RPS3: variants seen among roughly 807,000 people sequenced by gnomAD.
RPS3 encodes the protein ribosomal protein S3, also known as small ribosomal subunit protein uS3.
Under a neutral mutation model 25.8 loss-of-function variants are expected in RPS3, and 2 were observed. The observed-to-expected ratio is 0.08, with a 90% confidence interval of 0.03 to 0.24. The LOEUF (loss-of-function observed/expected upper bound fraction) is 0.24. RPS3 is among the 10% of genes least tolerant of loss of function. RPS3 has a pLI of 1.00. For missense variants in RPS3, 107 were observed against 307.1 expected, an observed-to-expected ratio of 0.35 and a Z score of 4.87; for synonymous variants, 114 against 114.2, an observed-to-expected ratio of 1.00 and a Z score of 0.01.
rs751616244 is a variant in RPS3, at chr11:75,399,593, C to T, written c.30+16C>T. The T allele has an allele frequency of 5.6e-6, 9 of 1,611,778 alleles. No homozygotes were observed. Among genetic ancestry groups the T allele is most frequent in the African/African-American group, 1.3e-5 (1 of 75,002 alleles). ...GAAGAGGAAGGTGAGCCTCTGGGGA[C>T]TGGGTTCGGAGAACGACGGCGCCGC... On this transcript the variant is annotated intron_variant, in intron 1 of 6. Transcript: ENST00000531188.
downstream of RPS3, among the ~76,000 whole-genome samples, chr11:75,411,058 C>T (rs376907878): frequency 3.6e-4 from 55 of 151,736 alleles, no homozygotes; most frequent in Admixed American, 3.1e-3. Context: ...TTGTATTTTT[C>T]GTAGAGATGG....
chr11:75,401,625 A>T lies in RPS3; in HGVS notation c.162-15A>T. 6.4e-7 allele frequency: 1 copy of T among 1,566,600 alleles called. No individual in the cohort carries two copies. The highest frequency in any genetic ancestry group is 8.8e-7 in the Non-Finnish European group (1 of 1,136,870). The stretch of plus-strand genomic sequence containing the variant: ...GCATTTGTGAGAATCTTGAATTGTC[A>T]CTTTTCCCCCCCAGAACACAGAATG... On this transcript the variant is annotated splice_polypyrimidine_tract_variant and intron_variant, in intron 2 of 6. Coordinates refer to ENST00000531188, the MANE Select transcript of RPS3 (RefSeq NM_001005.5).
At position 75,404,458 on chromosome 11, in the gene RPS3, G is replaced by A. The variant is rs17878419; in HGVS notation, c.539-214G>A. ...CACGATGACGAGTCAGAAAGGTCAC[G>A]TCCTGCTCTTGGTCCTTGTCAGTGC... On this transcript the variant is annotated intron_variant, in intron 5 of 6. Coordinates refer to ENST00000531188, the MANE Select transcript of RPS3 (RefSeq NM_001005.5). This position sits in a 1 kb window ranked among gnomAD's most constrained non-coding sequence, Gnocchi z 4.6. The A allele has an allele frequency of 1.7e-4, 134 of 791,388 alleles. 1 individual carries two copies. Among genetic ancestry groups the A allele is most frequent in the African/African-American group, 1.5e-3 (88 of 59,596 alleles). The allele number at this position is 791,388 out of a possible 1,614,324, so 49.0% of individuals were successfully genotyped here.
downstream of RPS3, among the ~76,000 whole-genome samples, chr11:75,407,533 G>A (rs548727741): frequency 3.7e-4 from 56 of 152,036 alleles, no homozygotes; most frequent in Non-Finnish European, 4.7e-4. Flanking sequence ...GTGCAGTGGC[G>A]CGATCTCTGC....
Position 75,405,654 on chromosome 11 carries a change from C to G in RPS3, c.*44C>G, listed in dbSNP as rs1275546448. 2.2e-6 allele frequency: 1 copy of G among 456,060 alleles called. No homozygotes were observed. The highest frequency in any genetic ancestry group is 2.0e-5 in the African/African-American group (1 of 50,040). 28.3% of individuals were successfully genotyped at this position (456,060 alleles called of 1,614,324 possible). ...TGTATTCTGGAGTCTGGATGTTGCT[C>G]TCTAAAGACCTTTAATAAAATTTTG... On this transcript the variant is annotated 3_prime_UTR_variant, in exon 7 of 7. Transcript: ENST00000531188.
chr11:75,399,560 A>G lies in RPS3; in HGVS notation c.13A>G (p.Ile5Val), dbSNP rs1415968412. Reference sequence around the variant, plus strand: ...GCGCGGCGGCAAGATGGCAGTGCAAATATCCAAGAAGAGGAAGGTGAGCCT... The same window carrying G: ...GCGCGGCGGCAAGATGGCAGTGCAAGTATCCAAGAAGAGGAAGGTGAGCCT... Reference protein sequence around the residue: MAVQISKKRKFVADG... With the variant: MAVQVSKKRKFVADG... Residue 5 changes from isoleucine (I) to valine (V), a missense_variant, in exon 1 of 7, where the codon ATA becomes GTA. Physicochemically the swap from Ile to Val is conservative, Grantham distance 29. Transcript: ENST00000531188. 6 of 1,613,858 alleles carry G rather than the reference A, an allele frequency of 3.7e-6. No individual in the cohort carries two copies. The highest frequency in any genetic ancestry group is 1.7e-5 in the Admixed American group (1 of 60,006).
chr11:75,411,736 T>C (rs1189065966), downstream of RPS3, among the ~76,000 whole-genome samples: 3 of 152,214 alleles, frequency 2.0e-5, no homozygotes, highest in Admixed American at 2.0e-4. Context: ...TGCTTGTTGC[T>C]TGACCAAATG....
intron 1 of RPS3, chr11:75,400,256 A>G (rs1385728146): frequency 4.7e-6 from 2 of 424,638 alleles, no homozygotes; most frequent in African/African-American, 2.0e-5. Context: ...TGTGTCTACA[A>G]GTGAGAGAGC....
Position 75,416,460 on chromosome 11 carries a change from ATTTTTTTTTT to A in RPS3, c.*4-5258_*4-5249del, listed in dbSNP as rs1180090052. Among the ~76,000 whole-genome samples the A allele has an allele frequency of 2.8e-3, 374 of 132,804 alleles. 2 individuals carry two copies. The highest frequency in any genetic ancestry group is 4.7e-3 in the Non-Finnish European group (300 of 63,332). The allele number at this position is 132,804 out of a possible 152,430, so 87.1% of individuals were successfully genotyped here. On this transcript the variant is annotated intron_variant, in intron 6 of 6. Transcript: ENST00000527446. ...TCCATTTTCCATCTTGATTATTTCT[ATTTTTTTTTT>A]TTTTTTTTGAGACAAAGTCTCACTG...
chr11:75,401,528 C>T, intron 2 of RPS3, 112 bp from the exon 3 acceptor site: 2 of 769,860 alleles, frequency 2.6e-6, no homozygotes, highest in Middle Eastern at 3.8e-4. Flanking sequence ...TAGTTTTTGT[C>T]AATGAAAATT....
chr11:75,410,071 A>AC (rs1160239665), downstream of RPS3, among the ~76,000 whole-genome samples: 71 of 107,538 alleles, frequency 6.6e-4, no homozygotes, highest in Non-Finnish European at 9.4e-4. Context: ...CGGGGGGCTG[A>AC]CCCCCCCCTC....
intron 6 of RPS3, among the ~76,000 whole-genome samples, chr11:75,416,160 C>T (rs1948396466): frequency 6.6e-6 from 1 of 152,164 alleles, no homozygotes; most frequent in South Asian, 2.1e-4. Context: ...CTGTTCCTCC[C>T]TTTGGTCATC....
At chr11:75,399,783 G>A (rs1948177047) in intron 1 of RPS3, 1 of 574,838 alleles carries the variant, frequency 1.7e-6, no homozygotes, top group East Asian at 3.1e-5. Flanking sequence ...CAAGTGAAGC[G>A]CAGAGAGATG....
At position 75,399,536 on chromosome 11, in the gene RPS3, C is replaced by T. The variant is rs930793085; in HGVS notation, c.-12C>T. 6.2e-7 allele frequency: 1 copy of T among 1,613,846 alleles called. No homozygotes were observed. Among genetic ancestry groups the T allele is most frequent in the Non-Finnish European group, 8.5e-7 (1 of 1,179,862 alleles). On this transcript the variant is annotated 5_prime_UTR_variant, in exon 1 of 7. Coordinates refer to ENST00000531188, the MANE Select transcript of RPS3 (RefSeq NM_001005.5). ...GCCACTTCCTTTCCTTTCAGCGGAG[C>T]GCGGCGGCAAGATGGCAGTGCAAAT...
At chr11:75,400,312 G>T (rs1254735960) in intron 1 of RPS3, 2 of 505,778 alleles carry the variant, frequency 4.0e-6, no homozygotes, top group Middle Eastern at 5.7e-4. Flanking sequence ...GACAAGTACA[G>T]TGTCTTTGCT....
In RPS3 at chr11:75,399,743, C is replaced by G. The variant is rs12277045; in HGVS notation, c.30+166C>G. ...TGGCGGTGGATTGAGTGAGAGGCCC[C>G]AGCCAGGAGGGCGCTGTGTGGCCGG... On this transcript the variant is annotated intron_variant, in intron 1 of 6. Coordinates refer to ENST00000531188, the MANE Select transcript of RPS3 (RefSeq NM_001005.5). 7,379 of 618,886 alleles carry G rather than the reference C, an allele frequency of 0.012. 417 individuals are homozygous for G. The African/African-American group carries it at 0.12, about 10-fold the overall frequency. The allele number at this position is 618,886 out of a possible 1,614,324, so 38.3% of individuals were successfully genotyped here. A position where few individuals can be genotyped will look rare whatever the true frequency, so the allele number is the denominator to read the frequency against.
chr11:75,416,464 T>TTC (rs1379934095), intron 6 of RPS3, among the ~76,000 whole-genome samples: 4 of 148,784 alleles, frequency 2.7e-5, no homozygotes, highest in African/African-American at 4.9e-5. Flanking sequence ...ATTTCTATTT[T>TTC]TTTTTTTTTT....
chr11:75,404,155 C>A lies in RPS3; in HGVS notation c.486C>A (p.Asp162Glu). Residue 162 changes from aspartate (D) to glutamate (E), a missense_variant, in exon 5 of 7, where the codon GAC becomes GAA. Physicochemically the swap from Asp to Glu is conservative, Grantham distance 45 (BLOSUM62 2). This residue lies in a region of RPS3 where 81 missense variants were observed against 286.8 expected (regional missense o/e 0.28). Coordinates refer to ENST00000531188, the MANE Select transcript of RPS3 (RefSeq NM_001005.5). This position sits in a 1 kb window ranked among gnomAD's most constrained non-coding sequence, Gnocchi z 4.6. ...ATGGCCTGATGATCCACAGCGGAGA[C>A]CCTGTTAACTACTACGTTGACACTG... ...FVDGLMIHSG[D>E]PVNYYVDTAV... 2.5e-6 allele frequency: 4 copies of A among 1,614,118 alleles called. No homozygotes were observed. Among genetic ancestry groups the A allele is most frequent in the Non-Finnish European group, 3.4e-6 (4 of 1,180,034 alleles).
At chr11:75,412,765 GT>G (rs1274763990) in intron 6 of RPS3, among the ~76,000 whole-genome samples, 3 of 152,140 alleles carry the variant, frequency 2.0e-5, no homozygotes, top group Non-Finnish European at 2.9e-5. Flanking sequence ...TAATCTATGT[GT>G]TTTTATTTTT....
Sources: allele counts gnomAD v4.1 joint callset (sites outside exome capture counted in the v4.1 genomes callset), GRCh38; gene constraint gnomAD v4.1.1; regional missense constraint gnomAD v4.1.1; non-coding constraint Gnocchi (gnomAD v3.1); transcripts MANE v1.5; gene names NCBI Gene and HGNC (gene_info 2026-07-23, HGNC 2026-07-21).